ADGRE3: variants seen among roughly 807,000 people sequenced by gnomAD.
ADGRE3 encodes adhesion G protein-coupled receptor E3.
In ADGRE3, 88 loss-of-function variants were observed where a neutral mutation model predicts 80.1. The observed-to-expected ratio is 1.10, with a 90% CI of 0.93 to 1.31. ADGRE3 has a LOEUF of 1.31. Ranked by LOEUF, ADGRE3 falls within the 40% of genes most tolerant of loss-of-function variation. The pLI, the probability that ADGRE3 is intolerant of heterozygous loss-of-function variation, is 0.00. For synonymous variants in ADGRE3, 281 were observed against 294.8 expected, an observed-to-expected ratio of 0.95 and a Z score of 0.48; for missense variants, 715 against 776.5, an observed-to-expected ratio of 0.92 and a Z score of 0.94.
intron 9 of ADGRE3, among the ~76,000 whole-genome samples, chr19:14,643,379 C>T (rs111999526): frequency 0.081 from 12,365 of 151,724 alleles, 559 homozygotes; most frequent in South Asian, 0.11. Context: ...CTCCTGACCT[C>T]GTGATCTGCC....
At chr19:14,605,935 T>C in the ADGRE3 span, among the ~76,000 whole-genome samples, 1 of 152,072 alleles carries the variant, frequency 6.6e-6, no homozygotes, top group Non-Finnish European at 1.5e-5. Flanking sequence ...ATATGGGGTC[T>C]CAGTATGTTG....
chr19:14,619,103 A>G (rs560857500), downstream of ADGRE3: 132 of 311,666 alleles, frequency 4.2e-4, 1 homozygote, highest in African/African-American at 2.9e-3. Context: ...TCTGTCTTAA[A>G]AAAAGAGCAA....
chr19:14,605,200 C>A, the ADGRE3 span, among the ~76,000 whole-genome samples: 2 of 151,870 alleles, frequency 1.3e-5, no homozygotes, highest in Non-Finnish European at 2.9e-5. Context: ...TGGTTTCAAG[C>A]AATTCTCCTC....
At chr19:14,618,846 C>CAAAAAAAAAAAAAA (rs771965258), downstream of ADGRE3, among the ~76,000 whole-genome samples, 6 of 61,944 alleles carry the variant, frequency 9.7e-5, no homozygotes, top group Non-Finnish European at 1.7e-4. Flanking sequence ...AACTCCATCT[C>CAAAAAAAAAAAAAA]AAAAAAAAAA....
chr19:14,607,085 G>A, the ADGRE3 span: 1 of 1,315,692 alleles, frequency 7.6e-7, no homozygotes, highest in African/African-American at 1.5e-5. Context: ...GGCTGGATGG[G>A]TCTCCTGTGA....
At position 14,662,025 on chromosome 19, in the gene ADGRE3, G is replaced by C. The variant is rs780658522; in HGVS notation, c.293C>G (p.Pro98Arg). ...VEGSFYCQCVPGYRLHSGNEQ... is the reference protein window; with the variant it reads ...VEGSFYCQCVRGYRLHSGNEQ... Reference sequence around the variant, plus strand: ...ATTCCCAGAATGCAGTCTATATCCTGGGACACATTGACAGTAGAAACTTCC... The same window carrying C: ...ATTCCCAGAATGCAGTCTATATCCTCGGACACATTGACAGTAGAAACTTCC... Residue 98 changes from proline to arginine, a missense_variant, in exon 4 of 16, where the codon CCA becomes CGA. Physicochemically the swap from Pro to Arg is moderately radical, Grantham distance 103 (BLOSUM62 -2). Coordinates refer to ENST00000253673, the MANE Select transcript of ADGRE3 (RefSeq NM_032571.5). The C allele has an allele frequency of 6.2e-7, 1 of 1,614,074 alleles. No homozygotes were observed. The highest frequency in any genetic ancestry group is 8.5e-7 in the Non-Finnish European group (1 of 1,179,898).
chr19:14,600,587 CTTT>C, the ADGRE3 span, among the ~76,000 whole-genome samples: 1 of 145,332 alleles, frequency 6.9e-6, no homozygotes. Flanking sequence ...CTTTTCTTTT[CTTT>C]TTTTTTTTTG....
chr19:14,601,103 A>T, the ADGRE3 span, among the ~76,000 whole-genome samples: 1 of 150,802 alleles, frequency 6.6e-6, no homozygotes. Context: ...AGGTTTCTCC[A>T]TGTTGGCCAG....
intron 11 of ADGRE3, among the ~76,000 whole-genome samples, chr19:14,637,028 A>T (rs959826370): frequency 1.3e-5 from 2 of 152,108 alleles, no homozygotes; most frequent in Non-Finnish European, 2.9e-5. Context: ...CGGGAGGTGG[A>T]GGTTGCAGTG....
chr19:14,668,727 C>T, intron 2 of ADGRE3, 75 bp downstream of exon 2: 3 of 1,245,858 alleles, frequency 2.4e-6, no homozygotes, highest in East Asian at 4.7e-5. Context: ...TTTTCTCCAG[C>T]CCACTGGAGA....
At position 14,643,443 on chromosome 19, in the gene ADGRE3, C is replaced by G. The variant is rs188954079; in HGVS notation, c.1050+665G>C. Among the ~76,000 whole-genome samples, 817 of 151,846 alleles carry G rather than the reference C, an allele frequency of 5.4e-3. 3 individuals carry two copies. The highest frequency in any genetic ancestry group is 0.019 in the African/African-American group (776 of 41,404). ...ACAGGTGTGAGCCACTGTGCCTGGC[C>G]CAGTAATCATATCTTTGCCCTGGGG... On this transcript the variant is annotated intron_variant, in intron 9 of 15. Transcript: ENST00000253673.
chr19:14,631,241 G>T (rs1259645386), intron 13 of ADGRE3, among the ~76,000 whole-genome samples: 1 of 152,090 alleles, frequency 6.6e-6, no homozygotes, highest in East Asian at 1.9e-4. Flanking sequence ...GTTCCTAACA[G>T]AAAGAAATGA....
At chr19:14,615,376 A>G (rs2075069582), downstream of ADGRE3, among the ~76,000 whole-genome samples, 1 of 151,934 alleles carries the variant, frequency 6.6e-6, no homozygotes, top group Non-Finnish European at 1.5e-5. Flanking sequence ...AGTCCCCACT[A>G]GGGTAAAGCT....
chr19:14,600,227 T>C, the ADGRE3 span: 1 of 1,601,474 alleles, frequency 6.2e-7, no homozygotes. Context: ...AGGGACAGCC[T>C]GCTTCTCTTC....
In ADGRE3 at chr19:14,647,359, C is replaced by T. The variant is rs1392370774; in HGVS notation, c.704G>A (p.Ser235Asn). ...AGAATATGAGATAAAGGCAATGGCA[C>T]TGGGACCTGAGGAAACAGAAAGATG... is the stretch of plus-strand genomic sequence containing the variant. ...DIIQGDTQGPSAIAFISYSSL... is the reference protein window; with the variant it reads ...DIIQGDTQGPNAIAFISYSSL... Residue 235 changes from serine (S) to asparagine (N), a missense_variant, in exon 8 of 16, where the codon AGT (serine) becomes AAT (asparagine). Coordinates refer to ENST00000253673, the MANE Select transcript of ADGRE3 (RefSeq NM_032571.5). 2 of 1,594,628 alleles carry T rather than the reference C, an allele frequency of 1.3e-6. No individual in the cohort carries two copies. Among genetic ancestry groups the T allele is most frequent in the East Asian group, 2.2e-5 (1 of 44,690 alleles).
In ADGRE3 at chr19:14,647,259, C is replaced by A. The variant is rs1014220232; in HGVS notation, c.804G>T (p.Gln268His). 2.5e-6 allele frequency: 4 copies of A among 1,613,114 alleles called. No homozygotes were observed. Among genetic ancestry groups the A allele is most frequent in the Non-Finnish European group, 2.5e-6 (3 of 1,179,244 alleles). ...DKKDQVYLNS[Q>H]VVSAAIGPKR... ...TGGGTCCAATAGCAGCACTCACAAC[C>A]TGAGAGTTCAGATACACTTGATCTT... is the stretch of plus-strand genomic sequence containing the variant. The change falls in exon 8 of 16, where the codon CAG becomes CAT. Residue 268 changes from glutamine (Q) to histidine (H), a missense_variant. Coordinates refer to ENST00000253673, the MANE Select transcript of ADGRE3 (RefSeq NM_032571.5).
At position 14,644,153 on chromosome 19, in the gene ADGRE3, G is replaced by T. The variant is rs776426359; in HGVS notation, c.1005C>A (p.Cys335Ter). Reference sequence around the variant, plus strand: ...GGACAGCGAAGCTGGACAGGTGACTGCAATTACACATGGTGTGACTCTTGT... The same window carrying T: ...GGACAGCGAAGCTGGACAGGTGACTTCAATTACACATGGTGTGACTCTTGT... The part of the protein sequence containing the change: ...HVNKSHTMCN[C>*]SHLSSFAVLM... The change falls in exon 9 of 16, where the codon TGC (cysteine) becomes TGA (stop). Residue 335 changes from cysteine (C) to a stop codon, truncating the protein, a stop_gained. Coordinates refer to ENST00000253673, the MANE Select transcript of ADGRE3 (RefSeq NM_032571.5). LOFTEE classifies it high-confidence loss of function. 6.3e-7 allele frequency: 1 copy of T among 1,597,180 alleles called. No individual in the cohort carries two copies. The highest frequency in any genetic ancestry group is 1.4e-5 in the African/African-American group (1 of 73,884).
At chr19:14,642,284 G>A (rs182519291) in intron 9 of ADGRE3, among the ~76,000 whole-genome samples, 1 of 152,230 alleles carries the variant, frequency 6.6e-6, no homozygotes, top group Admixed American at 6.5e-5. Flanking sequence ...AGCTGAGGTG[G>A]GAGGATTGCT....
At chr19:14,671,391 C>T (rs1484219390) in intron 1 of ADGRE3, among the ~76,000 whole-genome samples, 1 of 152,066 alleles carries the variant, frequency 6.6e-6, no homozygotes, top group Non-Finnish European at 1.5e-5. Flanking sequence ...ACGGACCCTT[C>T]CTCCTTCTTT....
Sources: allele counts gnomAD v4.1 joint callset (sites outside exome capture counted in the v4.1 genomes callset), GRCh38; gene constraint gnomAD v4.1.1; transcripts MANE v1.5; gene names NCBI Gene and HGNC (gene_info 2026-07-23, HGNC 2026-07-21).